UGT2B7: variants seen among roughly 807,000 people sequenced by gnomAD.
The protein encoded by UGT2B7 is UDP glucuronosyltransferase family 2 member B7, also known as UDP-glucuronosyltransferase 2B7.
UGT2B7 carries 51 observed loss-of-function variants against 51.9 expected under a neutral mutation model. The observed-to-expected ratio is 0.98, with a 90% CI of 0.78 to 1.24. UGT2B7 has a LOEUF of 1.24. Among genes scored for constraint, UGT2B7 ranks in the 50% most tolerant of loss-of-function variants. UGT2B7 has a pLI of 0.00. For missense variants in UGT2B7, 727 were observed against 628.4 expected (o/e 1.16, Z -1.68); for synonymous variants, 225 against 211.6 (o/e 1.06, Z -0.55).
chr4:69,108,668 C>G lies in UGT2B7; in HGVS notation c.1310+346C>G, dbSNP rs527964973. On this transcript the variant is annotated intron_variant, in intron 5 of 5. Coordinates refer to ENST00000305231, the MANE Select transcript of UGT2B7 (RefSeq NM_001074.4). ...ATAATAAAATATTTTAATTAGATATCTAAAACACCTCAGAGTATAACCATT... is the reference window on the plus strand; with the variant it reads ...ATAATAAAATATTTTAATTAGATATGTAAAACACCTCAGAGTATAACCATT... Among the ~76,000 whole-genome samples, 8 of 152,030 alleles carry G rather than the reference C, an allele frequency of 5.3e-5. No homozygotes were observed. In the South Asian group the frequency reaches 1.0e-3, roughly 20 times the overall value.
At chr4:69,063,708 C>A (rs1205519927) in intron 1 of UGT2B7, among the ~76,000 whole-genome samples, 1 of 152,122 alleles carries the variant, frequency 6.6e-6, no homozygotes, top group Non-Finnish European at 1.5e-5. Flanking sequence ...GACCTGGAAC[C>A]CAGATGGTCT....
Position 69,096,578 on chromosome 4 carries a change from T to A in UGT2B7, c.58T>A (p.Ser20Thr). ...AATACAACTGAGCTTTTGCTTTAGC[T>A]CTGGGAATTGTGGAAAGGTGCTGGT... ...LLIQLSFCFSSGNCGKVLVWA... is the reference protein window; with the variant it reads ...LLIQLSFCFSTGNCGKVLVWA... The change falls in exon 1 of 6, where the codon TCT becomes ACT. Residue 20 changes from serine to threonine, a missense_variant. Physicochemically the swap from Ser to Thr is moderately conservative, Grantham distance 58. Transcript: ENST00000305231. The A allele has an allele frequency of 6.2e-7, 1 of 1,613,922 alleles. No homozygotes were observed. The highest frequency in any genetic ancestry group is 8.5e-7 in the Non-Finnish European group (1 of 1,179,876).
At chr4:69,059,040 G>A (rs1465749108) in intron 1 of UGT2B7, among the ~76,000 whole-genome samples, 1 of 152,220 alleles carries the variant, frequency 6.6e-6, no homozygotes, top group Non-Finnish European at 1.5e-5. Flanking sequence ...CCAGCCAGGG[G>A]CTGCCACACC....
chr4:69,062,219 C>A lies in UGT2B7; in HGVS notation c.-159+10617C>A, dbSNP rs767964760. 1.2e-4 allele frequency among the ~76,000 whole-genome samples: 19 copies of A among 152,150 alleles called. 1 individual carries two copies. The highest frequency in any genetic ancestry group is 2.2e-4 in the Non-Finnish European group (15 of 68,020). On this transcript the variant is annotated intron_variant, in intron 1 of 5. Coordinates refer to the UGT2B7 transcript ENST00000502942. ...TCTTGCCCATGGTCTTTCTCCAAGTCAGGTGCACCCCCACAAAACAAACCA... is the reference window on the plus strand; with the variant it reads ...TCTTGCCCATGGTCTTTCTCCAAGTAAGGTGCACCCCCACAAAACAAACCA...
chr4:69,082,918 C>T (rs544078205), intron 1 of UGT2B7, among the ~76,000 whole-genome samples: 6 of 152,010 alleles, frequency 3.9e-5, no homozygotes, highest in Non-Finnish European at 7.4e-5. Context: ...CTGACTCTTT[C>T]GTTAGTGGCT....
At position 69,063,950 on chromosome 4, in the gene UGT2B7, G is replaced by C. The variant is rs142137952; in HGVS notation, c.-159+12348G>C. 2.1e-3 allele frequency among the ~76,000 whole-genome samples: 324 copies of C among 151,302 alleles called. 4 individuals are homozygous for C. In the East Asian group the frequency reaches 0.026, roughly 12 times the overall value. On this transcript the variant is annotated intron_variant, in intron 1 of 5. Coordinates refer to the UGT2B7 transcript ENST00000502942. ...CAGAGAAGAACTGACTTGTAATGAG[G>C]AATTAAATGATAGTGATGCCTTCTA...
At chr4:69,064,114 A>AAAGAAAG (rs1560499815) in intron 1 of UGT2B7, among the ~76,000 whole-genome samples, 1 of 123,054 alleles carries the variant, frequency 8.1e-6, no homozygotes, top group African/African-American at 3.4e-5. Flanking sequence ...AAGAAAGAAA[A>AAAGAAAG]AGAAAGAAAG....
intron 1 of UGT2B7, among the ~76,000 whole-genome samples, chr4:69,079,354 A>T (rs1718785328): frequency 6.6e-6 from 1 of 152,186 alleles, no homozygotes; most frequent in East Asian, 1.9e-4. Context: ...AACACTATTA[A>T]ATCTCTCAGA....
chr4:69,097,207 G>A lies in UGT2B7; in HGVS notation c.687G>A (p.Met229Ile), dbSNP rs1322052958. ...YFDFWFEIFD[M>I]KKWDQFYSEV... Reference sequence around the variant, plus strand: ...ACTTTTGGTTCGAAATATTTGACATGAAGAAGTGGGATCAGTTTTATAGTG... The same window carrying A: ...ACTTTTGGTTCGAAATATTTGACATAAAGAAGTGGGATCAGTTTTATAGTG... The change falls in exon 1 of 6, where the codon ATG becomes ATA. Residue 229 changes from methionine (M) to isoleucine (I), a missense_variant. Transcript: ENST00000305231. The A allele has an allele frequency of 6.2e-7, 1 of 1,612,544 alleles. No homozygotes were observed. Among genetic ancestry groups the A allele is most frequent in the Non-Finnish European group, 8.5e-7 (1 of 1,179,252 alleles).
chr4:69,068,186 TGACA>T (rs1269269520), intron 1 of UGT2B7, among the ~76,000 whole-genome samples: 2 of 152,088 alleles, frequency 1.3e-5, no homozygotes, highest in African/African-American at 4.8e-5. Flanking sequence ...GTAATCAGCA[TGACA>T]ATCAATCTCT....
chr4:69,063,490 A>G (rs1406538106), intron 1 of UGT2B7, among the ~76,000 whole-genome samples: 4 of 152,136 alleles, frequency 2.6e-5, no homozygotes, highest in African/African-American at 9.7e-5. Flanking sequence ...GAGACAGCAA[A>G]TATGTTAGAC....
At position 69,058,987 on chromosome 4, in the gene UGT2B7, T is replaced by G. The variant is rs556489060; in HGVS notation, c.-159+7385T>G. 5.9e-5 allele frequency among the ~76,000 whole-genome samples: 9 copies of G among 152,150 alleles called. 1 individual carries two copies. The South Asian group carries it at 1.5e-3, about 25-fold the overall frequency. On this transcript the variant is annotated intron_variant, in intron 1 of 5. Transcript: ENST00000502942. The stretch of plus-strand genomic sequence containing the variant: ...ACTGGAAGGATGAGTGTCCAGAGAA[T>G]AATAATAAGGAGAAGGGTCAGGGCC...
At position 69,055,098 on chromosome 4, in the gene UGT2B7, T is replaced by TAAA. The variant is rs1178892377; in HGVS notation, c.-159+3522_-159+3524dup. 1.7e-3 allele frequency among the ~76,000 whole-genome samples: 38 copies of TAAA among 22,556 alleles called. 1 individual carries two copies. The highest frequency in any genetic ancestry group is 4.8e-3 in the African/African-American group (24 of 4,974). The allele number at this position is 22,556 out of a possible 152,430, so 14.8% of individuals were successfully genotyped here. A position where few individuals can be genotyped will look rare whatever the true frequency, so the allele number is the denominator to read the frequency against. On this transcript the variant is annotated intron_variant, in intron 1 of 5. Coordinates refer to the UGT2B7 transcript ENST00000502942. ...TAAGTGACAGAAGTAAAGTAATAGC[T>TAAA]AAAAAAAAAAAAAAAAAAAAAAAAA...
At chr4:69,089,098 T>C (rs948222221) in intron 1 of UGT2B7, among the ~76,000 whole-genome samples, 4 of 152,182 alleles carry the variant, frequency 2.6e-5, no homozygotes, top group Admixed American at 2.6e-4. Flanking sequence ...TCTATTTTTG[T>C]GTGGGAATTA....
chr4:69,086,620 C>T (rs1289519552), intron 1 of UGT2B7, among the ~76,000 whole-genome samples: 2 of 151,898 alleles, frequency 1.3e-5, no homozygotes, highest in South Asian at 4.1e-4. Context: ...TCTCTCTCTT[C>T]AGCTCTATAA....
At chr4:69,056,543 A>G (rs1314230334) in intron 1 of UGT2B7, among the ~76,000 whole-genome samples, 3 of 152,230 alleles carry the variant, frequency 2.0e-5, no homozygotes, top group African/African-American at 7.2e-5. Flanking sequence ...CAAAACTGGC[A>G]CATGTACCCA....
At position 69,112,592 on chromosome 4, in the gene UGT2B7, C is replaced by A. The variant is rs1339899746; in HGVS notation, c.1446C>A (p.Asp482Glu). The A allele has an allele frequency of 6.2e-7, 1 of 1,613,864 alleles. No individual in the cohort carries two copies. The highest frequency in any genetic ancestry group is 8.5e-7 in the Non-Finnish European group (1 of 1,179,892). ...GAKHLRVAAH[D>E]LTWFQYHSLD... is the part of the protein sequence containing the mutation. Reference sequence around the variant, plus strand: ...AACACCTTCGGGTTGCAGCCCACGACCTCACCTGGTTCCAGTACCACTCTT... The same window carrying A: ...AACACCTTCGGGTTGCAGCCCACGAACTCACCTGGTTCCAGTACCACTCTT... The change falls in exon 6 of 6, where the codon GAC (aspartate) becomes GAA (glutamate). Residue 482 changes from aspartate to glutamate, a missense_variant. Physicochemically the swap from Asp to Glu is conservative, Grantham distance 45. Coordinates refer to ENST00000305231, the MANE Select transcript of UGT2B7 (RefSeq NM_001074.4).
chr4:69,105,452 G>A (rs997403107), intron 3 of UGT2B7, among the ~76,000 whole-genome samples: 2 of 152,192 alleles, frequency 1.3e-5, no homozygotes, highest in Non-Finnish European at 2.9e-5. Flanking sequence ...TTTAGTTTAT[G>A]AGGATTGCTT....
At chr4:69,084,588 G>A (rs1264801500) in intron 1 of UGT2B7, among the ~76,000 whole-genome samples, 1 of 151,976 alleles carries the variant, frequency 6.6e-6, no homozygotes, top group African/African-American at 2.4e-5. Flanking sequence ...ACACGAATTA[G>A]GTATTTGTCC....
Sources: allele counts gnomAD v4.1 joint callset (sites outside exome capture counted in the v4.1 genomes callset), GRCh38; gene constraint gnomAD v4.1.1; transcripts MANE v1.5; gene names NCBI Gene and HGNC (gene_info 2026-07-23, HGNC 2026-07-21).